Variants in ASPG observed in about 807,000 individuals in gnomAD.
The protein encoded by ASPG is asparaginase, also known as 60 kDa lysophospholipase.
ASPG carries 53 observed loss-of-function variants against 63.2 expected under a neutral mutation model. The observed-to-expected ratio is 0.84, with a 90% CI of 0.67 to 1.05. The LOEUF is 1.05. Ranked by LOEUF, ASPG falls within the 50% of genes least tolerant of loss-of-function variation. The probability of loss-of-function intolerance (pLI) is 0.00; values close to 1 mark genes in which losing one functional copy is unlikely to be tolerated. For missense variants in ASPG, 741 were observed against 794.4 expected, an observed-to-expected ratio of 0.93 and a Z score of 0.81; for synonymous variants, 370 against 355.0, an observed-to-expected ratio of 1.04 and a Z score of -0.48.
chr14:104,100,119 C>T (rs2036807371), intron 6 of ASPG, among the ~76,000 whole-genome samples: 1 of 152,206 alleles, frequency 6.6e-6, no homozygotes. Flanking sequence ...GGAGCAGACC[C>T]TCCTGGAGAA....
intron 10 of ASPG, 98 bp from the exon 11 acceptor site, chr14:104,106,701 T>C (rs1445278078): frequency 9.1e-7 from 1 of 1,098,454 alleles, no homozygotes; most frequent in Non-Finnish European, 1.3e-6. Context: ...CGGGCCCTTG[T>C]GTGGGGGCTG....
rs1346263643 is a variant in ASPG at position 104,103,685 on chromosome 14, G to A, written c.753+10G>A. On this transcript the variant is annotated intron_variant, in intron 7 of 15. Coordinates refer to ENST00000551177, the MANE Select transcript of ASPG (RefSeq NM_001080464.3). ...GATCCCTGCCGCCCTGGTAGGGACC[G>A]CCCCGGCCATCCTGCCCCTGCAGCC... 3.8e-5 allele frequency: 58 copies of A among 1,543,170 alleles called. No homozygotes were observed. In the East Asian group the frequency reaches 1.2e-3, roughly 32 times the overall value.
At chr14:104,104,154 G>T in intron 7 of ASPG, 150 bp from the exon 8 acceptor site, 1 of 890,300 alleles carries the variant, frequency 1.1e-6, no homozygotes, top group Non-Finnish European at 1.7e-6. Flanking sequence ...AGCCATGCAC[G>T]TCTGCCAGGA....
At chr14:104,111,364 C>T in intron 13 of ASPG, 138 bp from the exon 14 acceptor site, 1 of 1,023,766 alleles carries the variant, frequency 9.8e-7, no homozygotes, top group Non-Finnish European at 1.4e-6. Flanking sequence ...ACTCCTGCCC[C>T]AGGACCAGGT....
chr14:104,102,135 T>C (rs1744297), intron 6 of ASPG, among the ~76,000 whole-genome samples: 130,869 of 151,866 alleles, frequency 0.86, 56,659 homozygotes, highest in South Asian at 0.91. Context: ...CCCCCTCCTT[T>C]CCTGTGCTGA....
At chr14:104,092,494 A>G (rs1044173440) in intron 1 of ASPG, 139 bp from the exon 2 acceptor site, 19 of 738,094 alleles carry the variant, frequency 2.6e-5, no homozygotes, top group Non-Finnish European at 4.3e-5. Context: ...AGGGGCAGCC[A>G]TAGCCCTTCC....
At chr14:104,092,488 G>A in intron 1 of ASPG, 145 bp from the exon 2 acceptor site, 1 of 692,764 alleles carries the variant, frequency 1.4e-6, no homozygotes, top group Non-Finnish European at 2.4e-6. Flanking sequence ...GGTCCCAGGG[G>A]CAGCCATAGC....
In ASPG at chr14:104,107,239, CG is replaced by C; in HGVS notation, c.1331del (p.Gly444GlufsTer17). 1.9e-6 allele frequency: 3 copies of C among 1,606,932 alleles called. No individual in the cohort carries two copies. The highest frequency in any genetic ancestry group is 2.6e-6 in the Non-Finnish European group (3 of 1,176,306). The part of the protein sequence containing the change: ...NGQTPLHAAA[R>X]GGHTEAVTML... ...CCAAACCCCACTGCACGCGGCCGCC[CG>C]GGGAGGCCACACAGAGGCAGTCACC... On this transcript the variant is annotated frameshift_variant, in exon 12 of 16. Transcript: ENST00000551177. LOFTEE classifies it high-confidence loss of function.
intron 5 of ASPG, among the ~76,000 whole-genome samples, chr14:104,097,880 G>GTATGGAGGTTCTGCGTTAGAGATGCA: frequency 7.0e-6 from 1 of 142,008 alleles, no homozygotes; most frequent in Non-Finnish European, 1.6e-5. Flanking sequence ...TTAGAGATAC[G>GTATGGAGGTTCTGCGTTAGAGATGCA]TATGGAGGTT....
intron 6 of ASPG, among the ~76,000 whole-genome samples, chr14:104,101,306 G>T (rs1744295): frequency 1.3e-5 from 2 of 152,176 alleles, no homozygotes; most frequent in East Asian, 3.9e-4. Flanking sequence ...CTCTGAGCCA[G>T]CTGGGGGTAG....
Position 104,112,651 on chromosome 14 carries a change from T to C in ASPG, c.*107T>C, listed in dbSNP as rs2037415335. On this transcript the variant is annotated 3_prime_UTR_variant, in exon 16 of 16. Transcript: ENST00000551177. Reference sequence around the variant, plus strand: ...GGGGCTGCTTCCCAGCCTGCTCTCATGTAAAGCCTGAAGGCCTTTGTTGGG... The same window carrying C: ...GGGGCTGCTTCCCAGCCTGCTCTCACGTAAAGCCTGAAGGCCTTTGTTGGG... 1.9e-6 allele frequency: 3 copies of C among 1,548,268 alleles called. No individual in the cohort carries two copies. Among genetic ancestry groups the C allele is most frequent in the Non-Finnish European group, 2.6e-6 (3 of 1,151,936 alleles).
intron 1 of ASPG, among the ~76,000 whole-genome samples, chr14:104,088,549 C>T (rs915511972): frequency 2.6e-5 from 4 of 152,202 alleles, no homozygotes; most frequent in African/African-American, 7.2e-5. Flanking sequence ...CTCCTGAGCC[C>T]GGCTCCTTGC....
chr14:104,104,873 G>A, intron 9 of ASPG, 138 bp downstream of exon 9: 1 of 728,306 alleles, frequency 1.4e-6, no homozygotes. Flanking sequence ...GGGGAGGGAT[G>A]TGGCTCCCTA....
chr14:104,088,869 C>T (rs918297700), intron 1 of ASPG, among the ~76,000 whole-genome samples: 3 of 152,164 alleles, frequency 2.0e-5, no homozygotes, highest in Non-Finnish European at 4.4e-5. Flanking sequence ...AACTCAGGCA[C>T]CTGCCTGGAT....
chr14:104,099,068 C>T lies in ASPG; in HGVS notation c.640+89C>T, dbSNP rs1475965164. 15 of 1,498,450 alleles carry T rather than the reference C, an allele frequency of 1.0e-5. No individual in the cohort carries two copies. The Admixed American group carries it at 3.0e-4, about 30-fold the overall frequency. The allele number at this position is 1,498,450 out of a possible 1,614,324, so 92.8% of individuals were successfully genotyped here. On this transcript the variant is annotated intron_variant, in intron 6 of 15. Transcript: ENST00000551177. ...CAGGGAGCTCGTGGCTGGGACTCGGCAGAGTTTGAGAGCACCATGCTTGGT... is the reference window on the plus strand; with the variant it reads ...CAGGGAGCTCGTGGCTGGGACTCGGTAGAGTTTGAGAGCACCATGCTTGGT...
intron 6 of ASPG, among the ~76,000 whole-genome samples, chr14:104,103,161 C>T (rs1231323517): frequency 1.3e-5 from 2 of 152,262 alleles, no homozygotes; most frequent in African/African-American, 2.4e-5. Context: ...GCCTGCCCTC[C>T]TCGCCTCTGC....
In ASPG at chr14:104,098,728, T is replaced by TG. The variant is rs2036737362; in HGVS notation, c.514-121dup. 5.6e-6 allele frequency: 8 copies of TG among 1,424,536 alleles called. No homozygotes were observed. In the East Asian group the frequency reaches 2.0e-4, roughly 35 times the overall value. The allele number at this position is 1,424,536 out of a possible 1,614,324, so 88.2% of individuals were successfully genotyped here. On this transcript the variant is annotated intron_variant, in intron 5 of 15. Transcript: ENST00000551177. ...CAGGAAGGTCTCTGCCTGCGGTGGG[T>TG]GGGGTTACAGTCCCACCTCCCCCTG...
In ASPG at chr14:104,091,981, G is replaced by C. The variant is rs939655609; in HGVS notation, c.83-652G>C. Among the ~76,000 whole-genome samples, 2 of 152,124 alleles carry C rather than the reference G, an allele frequency of 1.3e-5. No individual in the cohort carries two copies. The highest frequency in any genetic ancestry group is 4.8e-5 in the African/African-American group (2 of 41,390). On this transcript the variant is annotated intron_variant, in intron 1 of 15. Coordinates refer to ENST00000551177, the MANE Select transcript of ASPG (RefSeq NM_001080464.3). This position sits in a 1 kb window ranked among gnomAD's most constrained non-coding sequence, Gnocchi z 6.4. ...GCAGAGGCTGCAGGAAGGTGGCAGA[G>C]TTGCTGGGGGTGGGACCAGCCCGTC...
chr14:104,104,047 T>C (rs2037003292), intron 7 of ASPG, among the ~76,000 whole-genome samples: 1 of 152,162 alleles, frequency 6.6e-6, no homozygotes, highest in Non-Finnish European at 1.5e-5. Flanking sequence ...CTCTCTGAAG[T>C]GTTTCCACGG....
Sources: gnomAD v4.1 joint callset for allele counts (sites outside exome capture counted in the v4.1 genomes callset) on GRCh38, gnomAD v4.1.1 for gene constraint, Gnocchi (gnomAD v3.1) non-coding constraint, MANE v1.5 for transcripts, NCBI Gene and HGNC (gene_info 2026-07-23, HGNC 2026-07-21) for gene names.